Variants in INPP4A observed in about 807,000 individuals in gnomAD.
INPP4A encodes inositol polyphosphate-4-phosphatase type I A.
A neutral mutation model predicts 119.8 loss-of-function variants in INPP4A; 33 were observed. That is an observed-to-expected ratio of 0.28 (90% CI 0.21 to 0.37). The LOEUF is 0.37. INPP4A is among the 10% of genes least tolerant of loss of function. The probability of loss-of-function intolerance (pLI) is 1.00; values close to 1 mark genes in which losing one functional copy is unlikely to be tolerated. For missense variants in INPP4A, 956 were observed against 1,289.9 expected (o/e 0.74, Z 3.97); for synonymous variants, 496 against 500.7 (o/e 0.99, Z 0.12).
In INPP4A at chr2:98,578,589, C is replaced by T. The variant is rs3769703; in HGVS notation, c.2786+1446C>T. Among the ~76,000 whole-genome samples the T allele has an allele frequency of 2.6e-4, 40 of 152,352 alleles. 1 individual carries two copies. The East Asian group carries it at 6.9e-3, about 26-fold the overall frequency. On this transcript the variant is annotated intron_variant, in intron 24 of 24. Coordinates refer to ENST00000409851, the MANE Select transcript of INPP4A (RefSeq NM_001134225.2). ...AGTGGCCCCCTGGAGAGCCACAGTG[C>T]GATGGCAGGCCTGTCACTGAGCCCA...
chr2:98,505,150 C>G (rs1455255085), intron 1 of INPP4A, among the ~76,000 whole-genome samples: 1 of 152,250 alleles, frequency 6.6e-6, no homozygotes, highest in Non-Finnish European at 1.5e-5. Flanking sequence ...TTAATGGTTG[C>G]TCACTGACCT....
intron 1 of INPP4A, among the ~76,000 whole-genome samples, chr2:98,506,781 T>C (rs904929957): frequency 2.6e-5 from 4 of 151,980 alleles, no homozygotes; most frequent in African/African-American, 9.7e-5. Context: ...GAGGAAGGGG[T>C]CCTGGGCACA....
At chr2:98,539,760 G>A (rs938356365) in intron 10 of INPP4A, 85 bp downstream of exon 10, 48 of 1,366,872 alleles carry the variant, frequency 3.5e-5, no homozygotes, top group Middle Eastern at 1.9e-4. Flanking sequence ...CAGAGCACTG[G>A]CATCAGATAG....
At chr2:98,535,594 C>A in intron 5 of INPP4A, 135 bp from the exon 6 acceptor site, 1 of 595,356 alleles carries the variant, frequency 1.7e-6, no homozygotes, top group Non-Finnish European at 3.0e-6. Flanking sequence ...TTTATTTAAG[C>A]CGCCTTTAGC....
At chr2:98,520,944 C>T in intron 4 of INPP4A, 2 of 483,240 alleles carry the variant, frequency 4.1e-6, no homozygotes, top group Non-Finnish European at 7.2e-6. Context: ...GCTCCTGTCT[C>T]CTCAGCATGG....
At chr2:98,572,169 A>G (rs1246818720) in intron 22 of INPP4A, 1 of 152,146 alleles carries the variant, frequency 6.6e-6, no homozygotes, top group Non-Finnish European at 1.5e-5. Flanking sequence ...ATCCCAGAGT[A>G]CCTTTCCAGG....
At chr2:98,576,613 C>T (rs2106482912) in intron 23 of INPP4A, among the ~76,000 whole-genome samples, 1 of 152,336 alleles carries the variant, frequency 6.6e-6, no homozygotes, top group Non-Finnish European at 1.5e-5. Flanking sequence ...ATATTTGCCG[C>T]CCTCTTTCCC....
intron 1 of INPP4A, among the ~76,000 whole-genome samples, chr2:98,491,862 C>T (rs543132240): frequency 6.6e-6 from 1 of 152,058 alleles, no homozygotes; most frequent in Admixed American, 6.6e-5. Flanking sequence ...TCCCCACAAA[C>T]TCATAAGTTC....
chr2:98,571,535 C>T (rs1697449380), intron 22 of INPP4A, among the ~76,000 whole-genome samples: 1 of 152,234 alleles, frequency 6.6e-6, no homozygotes, highest in Non-Finnish European at 1.5e-5. Flanking sequence ...TTACAATGGG[C>T]AGTGAAGGCC....
In INPP4A at chr2:98,533,441, C is replaced by A; in HGVS notation, c.216C>A (p.Val72=). 1 of 1,613,628 alleles carries A rather than the reference C, an allele frequency of 6.2e-7. No individual in the cohort carries two copies. Among genetic ancestry groups the A allele is most frequent in the Non-Finnish European group, 8.5e-7 (1 of 1,179,692 alleles). ...RKPNSFVAVS[V]TTPPQAFWTK... is the part of the protein sequence containing the mutation. ...CAAATAGTTTTGTTGCGGTGAGTGT[C>A]ACCACCCCTCCTCAGGCATTCTGGA... The change falls in exon 5 of 25, where the codon GTC becomes GTA. Residue 72 remains valine (V), a synonymous_variant. Transcript: ENST00000409851.
chr2:98,570,665 G>A lies in INPP4A; in HGVS notation c.2518+1997G>A, dbSNP rs903477439. ...AGGAGAACACACAGGGCTGGAAGAT[G>A]CAAGAGGACACCAGAGTCACAGACC... On this transcript the variant is annotated intron_variant, in intron 22 of 24. Coordinates refer to ENST00000409851, the MANE Select transcript of INPP4A (RefSeq NM_001134225.2). This position sits in a 1 kb window ranked among gnomAD's most constrained non-coding sequence, Gnocchi z 4.3. Among the ~76,000 whole-genome samples the A allele has an allele frequency of 6.6e-6, 1 of 152,176 alleles. No homozygotes were observed. Among genetic ancestry groups the A allele is most frequent in the Admixed American group, 6.5e-5 (1 of 15,288 alleles).
At chr2:98,465,616 G>T (rs1479781657) in intron 1 of INPP4A, among the ~76,000 whole-genome samples, 3 of 152,204 alleles carry the variant, frequency 2.0e-5, no homozygotes, top group African/African-American at 4.8e-5. Flanking sequence ...TAATGAGGAA[G>T]CTGAGGCTTG....
intron 13 of INPP4A, among the ~76,000 whole-genome samples, chr2:98,550,838 C>T (rs887375931): frequency 2.6e-4 from 39 of 152,262 alleles, no homozygotes; most frequent in African/African-American, 9.1e-4. Context: ...TTGGCCTGGG[C>T]AGAGGGTATG....
At chr2:98,497,841 C>T (rs1682337106) in intron 1 of INPP4A, among the ~76,000 whole-genome samples, 1 of 152,192 alleles carries the variant, frequency 6.6e-6, no homozygotes, top group Non-Finnish European at 1.5e-5. Flanking sequence ...TAAGGTTTGA[C>T]TGCCCTGTTG....
intron 10 of INPP4A, among the ~76,000 whole-genome samples, chr2:98,540,151 C>G (rs529178814): frequency 1.1e-4 from 16 of 152,158 alleles, no homozygotes; most frequent in Non-Finnish European, 8.8e-5. Flanking sequence ...AGGCTGGTCT[C>G]GAACTACTGA....
At chr2:98,492,536 C>T (rs143737828) in intron 1 of INPP4A, among the ~76,000 whole-genome samples, 28 of 152,278 alleles carry the variant, frequency 1.8e-4, no homozygotes, top group African/African-American at 6.5e-4. Context: ...CTCATAGAAT[C>T]GATCCTGCTT....
Position 98,546,836 on chromosome 2 carries a change from A to T in INPP4A, c.1163+142A>T. ...CGTGGCAGGAGGATCTGCCTTATGG[A>T]GCCTGTGCTGCTCTGTTTATGTGTG... is the stretch of plus-strand genomic sequence containing the variant. On this transcript the variant is annotated intron_variant, in intron 13 of 24. Coordinates refer to ENST00000409851, the MANE Select transcript of INPP4A (RefSeq NM_001134225.2). This position sits in a 1 kb window ranked among gnomAD's most constrained non-coding sequence, Gnocchi z 4.2. 1.6e-6 allele frequency: 1 copy of T among 639,868 alleles called. No individual in the cohort carries two copies. The highest frequency in any genetic ancestry group is 2.8e-5 in the East Asian group (1 of 35,298). 39.6% of individuals were successfully genotyped at this position (639,868 alleles called of 1,614,324 possible). A position where few individuals can be genotyped will look rare whatever the true frequency, so the allele number is the denominator to read the frequency against.
intron 1 of INPP4A, among the ~76,000 whole-genome samples, chr2:98,516,169 T>C (rs1686087660): frequency 1.3e-5 from 2 of 152,130 alleles, no homozygotes; most frequent in South Asian, 4.1e-4. Context: ...CTTGGTGAAT[T>C]ACCTTATATT....
At chr2:98,451,878 A>G (rs1360870154) in intron 1 of INPP4A, among the ~76,000 whole-genome samples, 2 of 152,222 alleles carry the variant, frequency 1.3e-5, no homozygotes, top group Non-Finnish European at 2.9e-5. Context: ...AAGGATGCCC[A>G]GTTCAAGCTT....
Sources: allele counts gnomAD v4.1 joint callset (sites outside exome capture counted in the v4.1 genomes callset), GRCh38; gene constraint gnomAD v4.1.1; non-coding constraint Gnocchi (gnomAD v3.1); transcripts MANE v1.5; gene names NCBI Gene and HGNC (gene_info 2026-07-23, HGNC 2026-07-21).